The following KCNQ5 variants were observed in gnomAD, a reference collection of about 807,000 sequenced individuals.
KCNQ5 encodes the protein potassium voltage-gated channel subfamily KQT member 5.
A neutral mutation model predicts 98.2 loss-of-function variants in KCNQ5; 30 were observed. The ratio of observed to expected loss-of-function variants is 0.31; its 90% CI spans 0.23 to 0.41. The LOEUF is 0.41. Ranked by LOEUF, KCNQ5 falls within the 10% of genes least tolerant of loss-of-function variation. KCNQ5 has a pLI of 1.00. For synonymous variants in KCNQ5, 458 were observed against 449.4 expected (o/e 1.02, Z -0.24); for missense variants, 835 against 1,182.5 (o/e 0.71, Z 4.31).
Position 72,641,993 on chromosome 6 carries a change from A to G in KCNQ5, c.398+19406A>G, listed in dbSNP as rs77020958. On this transcript the variant is annotated intron_variant, in intron 1 of 13. Coordinates refer to ENST00000370398, the MANE Select transcript of KCNQ5 (RefSeq NM_019842.4). ...TACAATCTTTTCTCTCAGTTTTCTTAACCTCCACGCTGATGGTCCTGATTC... is the reference window on the plus strand; with the variant it reads ...TACAATCTTTTCTCTCAGTTTTCTTGACCTCCACGCTGATGGTCCTGATTC... Among the ~76,000 whole-genome samples, 342 of 151,720 alleles carry G rather than the reference A, an allele frequency of 2.3e-3. 2 individuals carry two copies. The highest frequency in any genetic ancestry group is 0.02 in the East Asian group (102 of 5,158).
At chr6:72,945,350 C>T (rs1463019367) in intron 1 of KCNQ5, among the ~76,000 whole-genome samples, 1 of 151,258 alleles carries the variant, frequency 6.6e-6, no homozygotes, top group East Asian at 1.9e-4. Context: ...TGTGCTGCAC[C>T]CAGTAACTCA....
chr6:72,983,958 G>A (rs1211448989), intron 1 of KCNQ5, among the ~76,000 whole-genome samples: 2 of 152,112 alleles, frequency 1.3e-5, no homozygotes, highest in Non-Finnish European at 2.9e-5. Flanking sequence ...ATTGGAGTTT[G>A]CTGGCGGTCC....
chr6:73,035,985 TTGTGTGTGTGTGTGTGTGTG>T (rs70994155), intron 2 of KCNQ5, among the ~76,000 whole-genome samples: 8 of 140,536 alleles, frequency 5.7e-5, no homozygotes, highest in East Asian at 2.1e-4. Flanking sequence ...TTGAATACAT[TTGTGTGTGTGTGTGTGTGTG>T]TGTGTGTGTG....
intron 1 of KCNQ5, among the ~76,000 whole-genome samples, chr6:72,666,875 G>A (rs574441730): frequency 4.9e-4 from 74 of 152,228 alleles, no homozygotes; most frequent in Non-Finnish European, 8.7e-4. Flanking sequence ...CCAACTAAAT[G>A]TGCAATTAGT....
chr6:73,035,013 T>C (rs1582229832), intron 2 of KCNQ5, among the ~76,000 whole-genome samples: 1 of 112,646 alleles, frequency 8.9e-6, no homozygotes, highest in Non-Finnish European at 1.7e-5. Flanking sequence ...ACCCAGCTAA[T>C]TTTTTGTATT....
intron 1 of KCNQ5, among the ~76,000 whole-genome samples, chr6:72,979,617 T>G (rs1562107170): frequency 1.3e-5 from 2 of 152,224 alleles, no homozygotes; most frequent in African/African-American, 2.4e-5. Flanking sequence ...TTTCTCCCAT[T>G]CTGTAGGTTG....
At position 73,190,990 on chromosome 6, in the gene KCNQ5, T is replaced by C. The variant is rs541079218; in HGVS notation, c.1709+286T>C. On this transcript the variant is annotated intron_variant, in intron 12 of 13. Coordinates refer to ENST00000370398, the MANE Select transcript of KCNQ5 (RefSeq NM_019842.4). ...GGATTGAACAAGTTAATGCATGTAA[T>C]TCATAACATGTAACAGGCCTGGTAC... Among the ~76,000 whole-genome samples the C allele has an allele frequency of 5.9e-5, 9 of 152,368 alleles. No homozygotes were observed. The East Asian group carries it at 1.7e-3, about 29-fold the overall frequency.
At chr6:72,668,667 T>C (rs1766946025) in intron 1 of KCNQ5, among the ~76,000 whole-genome samples, 1 of 151,710 alleles carries the variant, frequency 6.6e-6, no homozygotes, top group Non-Finnish European at 1.5e-5. Context: ...ACCTCACAGT[T>C]CTGGAGGCTG....
intron 3 of KCNQ5, among the ~76,000 whole-genome samples, chr6:73,072,239 A>G (rs546291351): frequency 2.1e-4 from 32 of 152,194 alleles, no homozygotes; most frequent in African/African-American, 6.7e-4. Flanking sequence ...GTCAAGATAT[A>G]CCCTCTTTGT....
chr6:72,826,036 T>C (rs1935515), intron 1 of KCNQ5, among the ~76,000 whole-genome samples: 99,509 of 151,876 alleles, frequency 0.66, 33,334 homozygotes, highest in South Asian at 0.78. Flanking sequence ...AAAGCCATTC[T>C]GATTCTGGGG....
In KCNQ5 at chr6:73,195,288, G is replaced by C; in HGVS notation, c.2673G>C (p.Gln891His). 6.2e-7 allele frequency: 1 copy of C among 1,614,204 alleles called. No individual in the cohort carries two copies. The highest frequency in any genetic ancestry group is 8.5e-7 in the Non-Finnish European group (1 of 1,180,042). ...CAGACACTTTTGATGCCGCACCGCAGCCTGCCAGGGAAGCTGCCTTTGCAT... is the reference window on the plus strand; with the variant it reads ...CAGACACTTTTGATGCCGCACCGCACCCTGCCAGGGAAGCTGCCTTTGCAT... ...TETDTFDAAP[Q>H]PAREAAFASD... The change falls in exon 14 of 14, where the codon CAG becomes CAC. Residue 891 changes from glutamine (Q) to histidine (H), a missense_variant. Around this residue, in one of 10 missense-constraint regions of KCNQ5, gnomAD observed 416 missense variants for 446.9 expected, o/e 0.93. Transcript: ENST00000370398.
At position 72,792,105 on chromosome 6, in the gene KCNQ5, A is replaced by C. The variant is rs9360600; in HGVS notation, c.398+169518A>C. Reference sequence around the variant, plus strand: ...TTGATTTGAGCTTCATTTCATAGCCATGGTGGCAAATCAAATTGTTAAATA... The same window carrying C: ...TTGATTTGAGCTTCATTTCATAGCCCTGGTGGCAAATCAAATTGTTAAATA... On this transcript the variant is annotated intron_variant, in intron 1 of 13. Coordinates refer to ENST00000370398, the MANE Select transcript of KCNQ5 (RefSeq NM_019842.4). Among the ~76,000 whole-genome samples the C allele has an allele frequency of 6.8e-4, 104 of 152,356 alleles. 2 individuals carry two copies. The East Asian group carries it at 0.015, about 22-fold the overall frequency.
chr6:73,141,757 A>G (rs1226359356), intron 10 of KCNQ5, among the ~76,000 whole-genome samples: 1 of 152,180 alleles, frequency 6.6e-6, no homozygotes, highest in Non-Finnish European at 1.5e-5. Flanking sequence ...CTGGAGCCCT[A>G]TATTTTGTTT....
intron 1 of KCNQ5, among the ~76,000 whole-genome samples, chr6:72,833,302 C>T (rs1051295841): frequency 6.6e-6 from 1 of 152,082 alleles, no homozygotes; most frequent in Non-Finnish European, 1.5e-5. Context: ...TAGGGTTATT[C>T]GGGAGGTAGA....
intron 5 of KCNQ5, among the ~76,000 whole-genome samples, chr6:73,100,256 A>G (rs899555425): frequency 2.0e-5 from 3 of 152,358 alleles, no homozygotes; most frequent in Non-Finnish European, 2.9e-5. Context: ...AAAAACTTCA[A>G]ATAAACAACC....
At chr6:72,813,616 T>G (rs1194916816) in intron 1 of KCNQ5, among the ~76,000 whole-genome samples, 1 of 152,196 alleles carries the variant, frequency 6.6e-6, no homozygotes, top group Non-Finnish European at 1.5e-5. Flanking sequence ...CCAAGAGGTA[T>G]TGATTCCAGG....
intron 10 of KCNQ5, among the ~76,000 whole-genome samples, chr6:73,157,153 C>G (rs1217846323): frequency 2.6e-5 from 4 of 152,250 alleles, no homozygotes; most frequent in African/African-American, 9.6e-5. Context: ...TGCCAGGAAA[C>G]ATGCAAAATT....
chr6:72,961,951 C>A (rs561705032), intron 1 of KCNQ5, among the ~76,000 whole-genome samples: 1 of 151,832 alleles, frequency 6.6e-6, no homozygotes, highest in South Asian at 2.1e-4. Flanking sequence ...CCAAGGCGGG[C>A]AGATCCCTTG....
intron 1 of KCNQ5, among the ~76,000 whole-genome samples, chr6:72,749,344 C>T (rs1401620110): frequency 2.0e-5 from 3 of 152,102 alleles, no homozygotes; most frequent in Non-Finnish European, 4.4e-5. Flanking sequence ...TCTTTACTTA[C>T]TGCCTATTTT....
Sources: allele counts gnomAD v4.1 joint callset (sites outside exome capture counted in the v4.1 genomes callset), GRCh38; gene constraint gnomAD v4.1.1; regional missense constraint gnomAD v4.1.1; transcripts MANE v1.5; gene names NCBI Gene and HGNC (gene_info 2026-07-23, HGNC 2026-07-21).